The following STYXL2 variants were observed in gnomAD, a reference collection of about 807,000 sequenced individuals.
STYXL2 encodes the protein serine/threonine/tyrosine interacting like 2, also known as serine/threonine/tyrosine-interacting-like protein 2.
STYXL2 carries 44 observed loss-of-function variants against 52.4 expected under a neutral mutation model. The observed-to-expected ratio is 0.84, with a 90% confidence interval of 0.66 to 1.08. The LOEUF (loss-of-function observed/expected upper bound fraction) is 1.08, where lower values mean the gene tolerates loss of function less well. STYXL2 is among the 50% of genes least tolerant of loss of function. The pLI is 0.00. For synonymous variants in STYXL2, 604 were observed against 586.9 expected, an observed-to-expected ratio of 1.03 and a Z score of -0.42; for missense variants, 1,604 against 1,471.7, an observed-to-expected ratio of 1.09 and a Z score of -1.47.
In STYXL2 at chr1:167,117,454, A is replaced by G. The variant is rs890389836; in HGVS notation, c.332A>G (p.Asn111Ser). 6.2e-7 allele frequency: 1 copy of G among 1,612,806 alleles called. No individual in the cohort carries two copies. The highest frequency in any genetic ancestry group is 8.5e-7 in the Non-Finnish European group (1 of 1,179,498). ...AAGATGGATGACACCAGCCTCTATAATACGCCCTGTGTCCTGGACCTACAG... is the reference window on the plus strand; with the variant it reads ...AAGATGGATGACACCAGCCTCTATAGTACGCCCTGTGTCCTGGACCTACAG... Reference protein sequence around the residue: ...REKMDDTSLYNTPCVLDLQRA... With the variant: ...REKMDDTSLYSTPCVLDLQRA... Residue 111 changes from asparagine to serine, a missense_variant, in exon 4 of 6, where the codon AAT becomes AGT. Transcript: ENST00000361200.
chr1:167,128,399 C>T lies in STYXL2; in HGVS notation c.3268C>T (p.Gln1090Ter). ...SEFGAKRKFT[Q>*]SFMRSEEEGE... ...ATTTGGAGCCAAGAGGAAGTTCACC[C>T]AGAGCTTTATGAGGTCTGAAGAAGA... Residue 1090 changes from glutamine (Q) to a stop codon, truncating the protein, a stop_gained, in exon 6 of 6, where the codon CAG (glutamine) becomes TAG (stop). Coordinates refer to ENST00000361200, the MANE Select transcript of STYXL2 (RefSeq NM_001080426.3). LOFTEE classifies it high-confidence loss of function. 6.2e-7 allele frequency: 1 copy of T among 1,613,998 alleles called. No individual in the cohort carries two copies. The highest frequency in any genetic ancestry group is 8.5e-7 in the Non-Finnish European group (1 of 1,179,968).
rs1331613197 is a variant in STYXL2, at chr1:167,127,787, G to A, written c.2656G>A (p.Asp886Asn). 1 of 1,613,910 alleles carries A rather than the reference G, an allele frequency of 6.2e-7. No homozygotes were observed. The highest frequency in any genetic ancestry group is 1.7e-5 in the Admixed American group (1 of 60,006). Residue 886 changes from aspartate to asparagine, a missense_variant, in exon 6 of 6, where the codon GAT (aspartate) becomes AAT (asparagine). By Grantham distance (23) the Asp-to-Asn change is conservative. Transcript: ENST00000361200. ...EDEDDGVGDG[D>N]EDTDSAIGSF... ...TGAGGATGATGGTGTGGGTGATGGG[G>A]ATGAGGACACTGACAGTGCCATAGG...
At position 167,128,139 on chromosome 1, in the gene STYXL2, G is replaced by T. The variant is rs1166481518; in HGVS notation, c.3008G>T (p.Ser1003Ile). 1 of 1,614,226 alleles carries T rather than the reference G, an allele frequency of 6.2e-7. No individual in the cohort carries two copies. Among genetic ancestry groups the T allele is most frequent in the South Asian group, 1.1e-5 (1 of 91,082 alleles). Reference sequence around the variant, plus strand: ...GAGGCAAATGGCAACTCTGTAAGAAGCACTTCACGGTTCTCATCTTCCTCC... The same window carrying T: ...GAGGCAAATGGCAACTCTGTAAGAATCACTTCACGGTTCTCATCTTCCTCC... The part of the protein sequence containing the change: ...YHEANGNSVR[S>I]TSRFSSSSTR... Residue 1003 changes from serine (S) to isoleucine (I), a missense_variant, in exon 6 of 6, where the codon AGC becomes ATC. By Grantham distance (142) the Ser-to-Ile change is moderately radical. Transcript: ENST00000361200.
At position 167,128,251 on chromosome 1, in the gene STYXL2, C is replaced by T; in HGVS notation, c.3120C>T (p.Tyr1040=). 1.2e-6 allele frequency: 2 copies of T among 1,614,200 alleles called. No individual in the cohort carries two copies. Among genetic ancestry groups the T allele is most frequent in the Non-Finnish European group, 1.7e-6 (2 of 1,180,038 alleles). Residue 1040 remains tyrosine, a synonymous_variant, in exon 6 of 6, where the codon TAC becomes TAT. Coordinates refer to ENST00000361200, the MANE Select transcript of STYXL2 (RefSeq NM_001080426.3). The part of the protein sequence containing the change: ...SSSREESPEP[Y]FFRRTPESSE... ...CCCGAGAGGAGAGCCCAGAGCCCTA[C>T]TTCTTCCGCCGGACCCCAGAGTCCT...
Position 167,127,771 on chromosome 1 carries a change from T to C in STYXL2, c.2640T>C (p.Asp880=). Residue 880 remains aspartate (D), a synonymous_variant, in exon 6 of 6, where the codon GAT becomes GAC. Transcript: ENST00000361200. ...AGAAGGTCAAGGAAGATGAGGATGA[T>C]GGTGTGGGTGATGGGGATGAGGACA... ...KKKKVKEDED[D]GVGDGDEDTD... is the part of the protein sequence containing the mutation. 6.2e-7 allele frequency: 1 copy of C among 1,613,688 alleles called. No homozygotes were observed.
chr1:167,111,064 A>C (rs1387956820), intron 2 of STYXL2, among the ~76,000 whole-genome samples: 4 of 152,212 alleles, frequency 2.6e-5, no homozygotes, highest in Non-Finnish European at 4.4e-5. Flanking sequence ...AGAAAAAAAG[A>C]ATTTTTGAAA....
At chr1:167,114,127 G>A (rs1482915858) in intron 3 of STYXL2, among the ~76,000 whole-genome samples, 2 of 152,082 alleles carry the variant, frequency 1.3e-5, no homozygotes, top group Admixed American at 6.6e-5. Flanking sequence ...CCCGAGAAAT[G>A]GCCAGAAGCA....
intron 2 of STYXL2, among the ~76,000 whole-genome samples, chr1:167,097,351 T>C (rs1015804109): frequency 2.0e-5 from 3 of 152,270 alleles, no homozygotes; most frequent in Non-Finnish European, 4.4e-5. Context: ...AATAGGTTTA[T>C]GATCTATGTA....
intron 2 of STYXL2, among the ~76,000 whole-genome samples, chr1:167,097,933 T>C (rs1325223047): frequency 1.3e-5 from 2 of 150,924 alleles, no homozygotes; most frequent in Non-Finnish European, 2.9e-5. Context: ...GAGGCTGAGG[T>C]AGGATGATTG....
At chr1:167,099,279 A>G (rs1239508244) in intron 2 of STYXL2, among the ~76,000 whole-genome samples, 1 of 152,214 alleles carries the variant, frequency 6.6e-6, no homozygotes, top group Non-Finnish European at 1.5e-5. Flanking sequence ...AAAAAAAATC[A>G]AAAGAATCAT....
intron 2 of STYXL2, among the ~76,000 whole-genome samples, chr1:167,097,902 C>A (rs1021449377): frequency 7.9e-5 from 12 of 151,702 alleles, no homozygotes; most frequent in African/African-American, 2.2e-4. Flanking sequence ...GTAGCTCATG[C>A]CTGTAATTCT....
chr1:167,114,090 C>T (rs1667676171), intron 3 of STYXL2, among the ~76,000 whole-genome samples: 1 of 152,100 alleles, frequency 6.6e-6, no homozygotes, highest in Non-Finnish European at 1.5e-5. Flanking sequence ...CCTGAGGTGG[C>T]TTATGGCAGA....
In STYXL2 at chr1:167,128,676, C is replaced by T. The variant is rs1204685487; in HGVS notation, c.*68C>T. Reference sequence around the variant, plus strand: ...AGCATAGGGCTCAGGGCACACGTTGCCACCACTCATCGCAGGATGAGGATA... The same window carrying T: ...AGCATAGGGCTCAGGGCACACGTTGTCACCACTCATCGCAGGATGAGGATA... On this transcript the variant is annotated 3_prime_UTR_variant, in exon 6 of 6. Coordinates refer to ENST00000361200, the MANE Select transcript of STYXL2 (RefSeq NM_001080426.3). The T allele has an allele frequency of 5.3e-6, 8 of 1,512,650 alleles. No homozygotes were observed. Among genetic ancestry groups the T allele is most frequent in the Non-Finnish European group, 7.0e-6 (8 of 1,140,678 alleles). The allele number at this position is 1,512,650 out of a possible 1,614,324, so 93.7% of individuals were successfully genotyped here.
chr1:167,117,199 G>T, intron 3 of STYXL2, 129 bp from the exon 4 acceptor site: 1 of 802,006 alleles, frequency 1.2e-6, no homozygotes, highest in South Asian at 1.7e-5. Flanking sequence ...CTTCCTGGGA[G>T]ATCCTGCTGG....
chr1:167,121,089 T>A (rs116602815), intron 5 of STYXL2, among the ~76,000 whole-genome samples: 2,206 of 151,318 alleles, frequency 0.015, 43 homozygotes, highest in African/African-American at 0.05. Flanking sequence ...TACGGCTCAC[T>A]GCAACCTCTG....
chr1:167,106,265 C>T (rs1331029959), intron 2 of STYXL2, among the ~76,000 whole-genome samples: 1 of 152,170 alleles, frequency 6.6e-6, no homozygotes, highest in African/African-American at 2.4e-5. Context: ...CCTTGCAAGG[C>T]CTTTCTGCAC....
Position 167,119,352 on chromosome 1 carries a change from G to A in STYXL2, c.541G>A (p.Gly181Ser). 1 of 1,614,192 alleles carries A rather than the reference G, an allele frequency of 6.2e-7. No individual in the cohort carries two copies. The highest frequency in any genetic ancestry group is 1.6e-4 in the Middle Eastern group (1 of 6,062). Reference sequence around the variant, plus strand: ...TTACACTGGCCCCGAATTCTACACTGGCCTGGAGATCCAGTACCTGGGTGT... The same window carrying A: ...TTACACTGGCCCCGAATTCTACACTAGCCTGGAGATCCAGTACCTGGGTGT... ...GVYTGPEFYT[G>S]LEIQYLGVEV... The change falls in exon 5 of 6, where the codon GGC becomes AGC. Residue 181 changes from glycine (G) to serine (S), a missense_variant. Gly to Ser is a moderately conservative substitution (Grantham distance 56). Transcript: ENST00000361200.
In STYXL2 at chr1:167,126,061, C is replaced by T. The variant is rs761716871; in HGVS notation, c.930C>T (p.His310=). ...GTGSMLGARV[H]ALTVEEEDDS... ...GGAGCATGCTCGGGGCCAGAGTGCA[C>T]GCCCTGACGGTGGAAGAGGAGGACG... Residue 310 remains histidine, a synonymous_variant, in exon 6 of 6, where the codon CAC becomes CAT. Transcript: ENST00000361200. 10 of 1,558,738 alleles carry T rather than the reference C, an allele frequency of 6.4e-6. No individual in the cohort carries two copies. The highest frequency in any genetic ancestry group is 1.4e-5 in the African/African-American group (1 of 73,172).
rs1667961172 is a variant in STYXL2 at position 167,126,225 on chromosome 1, TC to T, written c.1099del (p.Gln367ArgfsTer68). ...KKGQGLLSDK[V>X]PQDGGGWRSA... The stretch of plus-strand genomic sequence containing the variant: ...GGGCAGGGCCTCCTCTCAGACAAGG[TC>T]CCCCAGGATGGAGGTGGCTGGCGCT... On this transcript the variant is annotated frameshift_variant, in exon 6 of 6. Coordinates refer to ENST00000361200, the MANE Select transcript of STYXL2 (RefSeq NM_001080426.3). LOFTEE classifies it low-confidence loss of function (END_TRUNC). 1.3e-6 allele frequency: 2 copies of T among 1,542,870 alleles called. No homozygotes were observed. The highest frequency in any genetic ancestry group is 2.8e-5 in the African/African-American group (2 of 72,406).
Sources: gnomAD v4.1 joint callset for allele counts (sites outside exome capture counted in the v4.1 genomes callset) on GRCh38, gnomAD v4.1.1 for gene constraint, MANE v1.5 for transcripts, NCBI Gene and HGNC (gene_info 2026-07-23, HGNC 2026-07-21) for gene names.